Variants in IL17RD observed in about 807,000 individuals in gnomAD.
The protein encoded by IL17RD is interleukin 17 receptor D, also known as interleukin-17 receptor D.
IL17RD carries 52 observed loss-of-function variants against 80.5 expected under a neutral mutation model. The ratio of observed to expected loss-of-function variants is 0.65; its 90% CI spans 0.52 to 0.81. IL17RD has a LOEUF of 0.81. IL17RD is among the 40% of genes least tolerant of loss of function. IL17RD has a pLI of 0.00. For missense variants in IL17RD, 1,024 were observed against 955.1 expected (o/e 1.07, Z -0.95); for synonymous variants, 416 against 391.8 (o/e 1.06, Z -0.73).
chr3:57,140,246 T>C (rs4681960), intron 1 of IL17RD, among the ~76,000 whole-genome samples: 29,075 of 152,152 alleles, frequency 0.19, 3,432 homozygotes, highest in South Asian at 0.31. Context: ...ATATACCTTT[T>C]TGCAGTTTTT....
At chr3:57,165,092 G>A in intron 1 of IL17RD, 69 bp downstream of exon 1, 1 of 1,402,588 alleles carries the variant, frequency 7.1e-7, no homozygotes, top group Non-Finnish European at 9.2e-7. Flanking sequence ...TCGCCTCCCC[G>A]CGAGCACCTG....
intron 1 of IL17RD, among the ~76,000 whole-genome samples, chr3:57,132,101 G>T (rs1033498523): frequency 3.3e-5 from 5 of 151,978 alleles, no homozygotes; most frequent in African/African-American, 9.7e-5. Flanking sequence ...CAGGGGGATC[G>T]CTTGAGCCAA....
At position 57,092,976 on chromosome 3, in the gene IL17RD, A is replaced by T. The variant is rs1252708325; in HGVS notation, c.*3417T>A. 6.6e-6 allele frequency: 1 copy of T among 152,122 alleles called. No individual in the cohort carries two copies. The highest frequency in any genetic ancestry group is 1.5e-5 in the Non-Finnish European group (1 of 68,026). The allele number at this position is 152,122 out of a possible 1,614,324, so 9.4% of individuals were successfully genotyped here. ...AGTTGCCAATATTTTTTAAAATCAGAATTTTTCATATAAAAATCCAGATTG... is the reference window on the plus strand; with the variant it reads ...AGTTGCCAATATTTTTTAAAATCAGTATTTTTCATATAAAAATCCAGATTG... On this transcript the variant is annotated 3_prime_UTR_variant, in exon 13 of 13. Transcript: ENST00000296318.
In IL17RD at chr3:57,094,216, A is replaced by G. The variant is rs1472468202; in HGVS notation, c.*2177T>C. 6.6e-6 allele frequency: 1 copy of G among 152,210 alleles called. No homozygotes were observed. The highest frequency in any genetic ancestry group is 1.5e-5 in the Non-Finnish European group (1 of 68,036). 9.4% of individuals were successfully genotyped at this position (152,210 alleles called of 1,614,324 possible). A position where few individuals can be genotyped will look rare whatever the true frequency, so the allele number is the denominator to read the frequency against. On this transcript the variant is annotated 3_prime_UTR_variant, in exon 13 of 13. Coordinates refer to ENST00000296318, the MANE Select transcript of IL17RD (RefSeq NM_017563.5). ...TTTCTAGCATACTGGGGAGAGTAGA[A>G]AAAGTGAAACTAATTAAACAAAACT...
chr3:57,141,558 A>G (rs957408454), intron 1 of IL17RD, among the ~76,000 whole-genome samples: 1 of 152,234 alleles, frequency 6.6e-6, no homozygotes, highest in African/African-American at 2.4e-5. Flanking sequence ...GTGATTATTA[A>G]ACATTAATTA....
rs1707071227 is a variant in IL17RD at position 57,110,402 on chromosome 3, C to T, written c.311-91G>A. The T allele has an allele frequency of 5.1e-6, 7 of 1,378,364 alleles. No individual in the cohort carries two copies. The Admixed American group carries it at 9.9e-5, about 20-fold the overall frequency. The allele number at this position is 1,378,364 out of a possible 1,614,324, so 85.4% of individuals were successfully genotyped here. A position where few individuals can be genotyped will look rare whatever the true frequency, so the allele number is the denominator to read the frequency against. On this transcript the variant is annotated intron_variant, in intron 3 of 12. Transcript: ENST00000296318. ...CCAAGATTACCATCTTCTCTACCTA[C>T]ACACCAGAGTTAAAGGAATTCTAAC... is the stretch of plus-strand genomic sequence containing the variant.
At chr3:57,096,573 G>T in intron 12 of IL17RD, 68 bp from the exon 13 acceptor site, 1 of 1,105,492 alleles carries the variant, frequency 9.0e-7, no homozygotes, top group Non-Finnish European at 1.4e-6. Flanking sequence ...GGTGCTCATG[G>T]CAGAATGTGA....
chr3:57,167,209 T>A (rs2107552863), upstream of IL17RD, among the ~76,000 whole-genome samples: 1 of 152,202 alleles, frequency 6.6e-6, no homozygotes, highest in African/African-American at 2.4e-5. Flanking sequence ...TTTTTTTTTT[T>A]TTTACCTCAC....
At position 57,165,298 on chromosome 3, in the gene IL17RD, C is replaced by T; in HGVS notation, c.-12G>A. ...AGCCACGGGGCCATGGCCGTGCGCT[C>T]GCCCAGCCAGGCCGTTCTCTGCGCC... On this transcript the variant is annotated 5_prime_UTR_variant, in exon 1 of 13. Coordinates refer to ENST00000296318, the MANE Select transcript of IL17RD (RefSeq NM_017563.5). 6.9e-7 allele frequency: 1 copy of T among 1,440,730 alleles called. No individual in the cohort carries two copies. The highest frequency in any genetic ancestry group is 9.2e-7 in the Non-Finnish European group (1 of 1,092,476). The allele number at this position is 1,440,730 out of a possible 1,614,324, so 89.2% of individuals were successfully genotyped here. A position where few individuals can be genotyped will look rare whatever the true frequency, so the allele number is the denominator to read the frequency against.
At chr3:57,100,312 A>G (rs952271244) in intron 11 of IL17RD, among the ~76,000 whole-genome samples, 2 of 152,228 alleles carry the variant, frequency 1.3e-5, no homozygotes, top group Admixed American at 6.5e-5. Context: ...CACCACATGG[A>G]GAGATTCTGA....
rs759714010 is a variant in IL17RD, at chr3:57,105,826, A to G, written c.747+31T>C. 4.4e-6 allele frequency: 7 copies of G among 1,600,514 alleles called. No homozygotes were observed. The Admixed American group carries it at 5.1e-5, about 12-fold the overall frequency. On this transcript the variant is annotated intron_variant, in intron 7 of 12. Transcript: ENST00000296318. ...GCCTGGGGGTCGCTTTGAAACACGC[A>G]GTGTTCCTTTATATACACCCAGCAG...
chr3:57,154,277 T>TACACACACACACACACACACACAC (rs1420516131), intron 1 of IL17RD, among the ~76,000 whole-genome samples: 9 of 124,520 alleles, frequency 7.2e-5, no homozygotes, highest in African/African-American at 2.5e-4. Context: ...TATATATATA[T>TACACACACACACACACACACACAC]ATATATACAC....
intron 1 of IL17RD, among the ~76,000 whole-genome samples, chr3:57,127,816 G>A (rs1707527233): frequency 1.3e-5 from 2 of 152,144 alleles, no homozygotes; most frequent in Non-Finnish European, 2.9e-5. Flanking sequence ...CTTTGTCTCT[G>A]ACCAATGGAC....
At chr3:57,106,766 A>G (rs76645245) in intron 5 of IL17RD, among the ~76,000 whole-genome samples, 24,106 of 152,166 alleles carry the variant, frequency 0.16, 2,473 homozygotes, top group East Asian at 0.36. Context: ...CAGCTAGTCC[A>G]CTGTGCCATG....
At chr3:57,143,120 AG>A (rs1162867393) in intron 1 of IL17RD, among the ~76,000 whole-genome samples, 1 of 152,232 alleles carries the variant, frequency 6.6e-6, no homozygotes, top group Non-Finnish European at 1.5e-5. Flanking sequence ...TGAGCAGCTA[AG>A]CCCCCTTTCA....
chr3:57,134,237 T>C (rs1707672861), intron 1 of IL17RD: 1 of 693,608 alleles, frequency 1.4e-6, no homozygotes, highest in Non-Finnish European at 2.7e-6. Context: ...AAATCGCCAA[T>C]GCCAACTTCC....
upstream of IL17RD, chr3:57,169,417 C>A: frequency 3.7e-6 from 1 of 268,484 alleles, no homozygotes; most frequent in East Asian, 1.4e-4. Flanking sequence ...CAGATAAAAT[C>A]ACCTTAAAAT....
At chr3:57,103,850 G>A (rs1454252379) in intron 8 of IL17RD, among the ~76,000 whole-genome samples, 1 of 151,974 alleles carries the variant, frequency 6.6e-6, no homozygotes, top group Non-Finnish European at 1.5e-5. Context: ...GATTACAGGC[G>A]CCCACCACCA....
intron 1 of IL17RD, among the ~76,000 whole-genome samples, chr3:57,131,530 G>GAATAAC (rs1707608944): frequency 6.6e-6 from 1 of 152,196 alleles, no homozygotes; most frequent in African/African-American, 2.4e-5. Flanking sequence ...GACTTTGAAG[G>GAATAAC]TTTGAGTGAT....
Sources: gnomAD v4.1 joint callset for allele counts (sites outside exome capture counted in the v4.1 genomes callset) on GRCh38, gnomAD v4.1.1 for gene constraint, MANE v1.5 for transcripts, NCBI Gene and HGNC (gene_info 2026-07-23, HGNC 2026-07-21) for gene names.